GHR: variants seen among roughly 807,000 people sequenced by gnomAD.
GHR encodes GH receptor.
GHR carries 35 observed loss-of-function variants against 67.1 expected under a neutral mutation model. That is an observed-to-expected ratio of 0.52 (90% CI 0.40 to 0.69). The LOEUF (loss-of-function observed/expected upper bound fraction) is 0.69. Among genes scored for constraint, GHR ranks in the 30% least tolerant of loss-of-function variants. GHR has a pLI of 0.00. For synonymous variants in GHR, 272 were observed against 269.1 expected (o/e 1.01, Z -0.10); for missense variants, 792 against 764.6 (o/e 1.04, Z -0.42).
chr5:42,487,777 G>A (rs1373964630), intron 1 of GHR, among the ~76,000 whole-genome samples: 1 of 152,110 alleles, frequency 6.6e-6, no homozygotes, highest in Non-Finnish European at 1.5e-5. Flanking sequence ...CCTGTAGGTG[G>A]AATTGTATTT....
chr5:42,556,912 C>G (rs937455041), intron 1 of GHR, among the ~76,000 whole-genome samples: 2 of 152,214 alleles, frequency 1.3e-5, no homozygotes, highest in Non-Finnish European at 2.9e-5. Flanking sequence ...TTCTTTCACT[C>G]CTCCATAAAG....
rs1353732795 is a variant in GHR at position 42,467,140 on chromosome 5, A to G, written c.-12+43185A>G. 4.4e-6 allele frequency: 7 copies of G among 1,600,270 alleles called. No homozygotes were observed. In the East Asian group the frequency reaches 8.9e-5, roughly 20 times the overall value. On this transcript the variant is annotated intron_variant, in intron 1 of 9. Transcript: ENST00000230882. Reference sequence around the variant, plus strand: ...CCCACATTCATTACACACAAAAGGAAGATCTCCACTGTGAATTCTCTGGTG... The same window carrying G: ...CCCACATTCATTACACACAAAAGGAGGATCTCCACTGTGAATTCTCTGGTG...
chr5:42,498,540 T>C (rs964025670), intron 1 of GHR, among the ~76,000 whole-genome samples: 57 of 152,312 alleles, frequency 3.7e-4, no homozygotes, highest in African/African-American at 1.3e-3. Context: ...AGCATTATAG[T>C]CTCATAAGCA....
At chr5:42,468,040 C>A in intron 1 of GHR, 1 of 840,162 alleles carries the variant, frequency 1.2e-6, no homozygotes, top group South Asian at 1.7e-5. Context: ...GATCAGCTTT[C>A]TGGATTCTTC....
chr5:42,448,788 T>C (rs1296400095), intron 1 of GHR, among the ~76,000 whole-genome samples: 1 of 152,104 alleles, frequency 6.6e-6, no homozygotes, highest in Non-Finnish European at 1.5e-5. Flanking sequence ...ACATCTTTGG[T>C]CCATCCTGAA....
At position 42,695,037 on chromosome 5, in the gene GHR, A is replaced by G. The variant is rs1347064609; in HGVS notation, c.387A>G (p.Leu129=). The G allele has an allele frequency of 1.2e-6, 2 of 1,610,424 alleles. No individual in the cohort carries two copies. The highest frequency in any genetic ancestry group is 1.7e-5 in the Admixed American group (1 of 59,998). ...TCTGGATACCTTATTGTATCAAGCT[A>G]ACTAGCAATGGTGGTACAGTGGATG... ...TSIWIPYCIK[L]TSNGGTVDEK... is the part of the protein sequence containing the mutation. Residue 129 remains leucine, a synonymous_variant, in exon 5 of 10, where the codon CTA becomes CTG. Transcript: ENST00000230882.
chr5:42,439,134 C>G (rs903897725), intron 1 of GHR, among the ~76,000 whole-genome samples: 48 of 152,216 alleles, frequency 3.2e-4, no homozygotes, highest in African/African-American at 1.1e-3. Context: ...AATGACATCT[C>G]TAGGATTGAG....
At chr5:42,686,896 T>C (rs1757180884) in intron 3 of GHR, among the ~76,000 whole-genome samples, 1 of 152,232 alleles carries the variant, frequency 6.6e-6, no homozygotes, top group African/African-American at 2.4e-5. Flanking sequence ...TTGTCTCTGT[T>C]TGCAGATGAC....
chr5:42,566,307 C>T (rs1180710673), intron 2 of GHR, among the ~76,000 whole-genome samples: 1 of 152,174 alleles, frequency 6.6e-6, no homozygotes, highest in Non-Finnish European at 1.5e-5. Context: ...TCATCTGTGA[C>T]TAAGGATATC....
intron 3 of GHR, among the ~76,000 whole-genome samples, chr5:42,680,553 G>C (rs916670220): frequency 6.6e-6 from 1 of 151,626 alleles, no homozygotes; most frequent in African/African-American, 2.4e-5. Context: ...ACCCAGGCTG[G>C]GGTGCAGTGA....
chr5:42,682,817 A>C (rs1377686333), intron 3 of GHR, among the ~76,000 whole-genome samples: 1 of 152,162 alleles, frequency 6.6e-6, no homozygotes, highest in Admixed American at 6.5e-5. Flanking sequence ...AAGTTAATAT[A>C]CCTCTCACAC....
chr5:42,710,601 T>C (rs1197637913), intron 6 of GHR, among the ~76,000 whole-genome samples: 1 of 152,100 alleles, frequency 6.6e-6, no homozygotes, highest in African/African-American at 2.4e-5. Context: ...AGATTTTAAA[T>C]AGCAAACTAT....
chr5:42,438,150 G>T (rs947806946), intron 1 of GHR, among the ~76,000 whole-genome samples: 1 of 152,178 alleles, frequency 6.6e-6, no homozygotes, highest in South Asian at 2.1e-4. Context: ...TGCTTACTAT[G>T]ATCAAGGGCT....
chr5:42,616,964 A>G (rs1313229608), intron 2 of GHR, among the ~76,000 whole-genome samples: 2 of 152,114 alleles, frequency 1.3e-5, no homozygotes, highest in Non-Finnish European at 2.9e-5. Context: ...AAGGATTAGA[A>G]GTAAAACCAA....
chr5:42,520,337 C>T (rs748727249), intron 1 of GHR, among the ~76,000 whole-genome samples: 22 of 152,082 alleles, frequency 1.4e-4, no homozygotes, highest in Non-Finnish European at 2.5e-4. Flanking sequence ...CACAAGATAC[C>T]TTGTGATCTT....
Position 42,719,047 on chromosome 5 carries a change from T to G in GHR, c.1540T>G (p.Cys514Gly). Reference sequence around the variant, plus strand: ...AAAGAATAAGGCAGGGATGTCCCAATGTGACATGCACCCGGAAATGGTCTC... The same window carrying G: ...AAAGAATAAGGCAGGGATGTCCCAAGGTGACATGCACCCGGAAATGGTCTC... ...GQKNKAGMSQ[C>G]DMHPEMVSLC... The change falls in exon 10 of 10, where the codon TGT (cysteine) becomes GGT (glycine). Residue 514 changes from cysteine (C) to glycine (G), a missense_variant. Cys to Gly is a radical substitution (Grantham distance 159). Transcript: ENST00000230882. The G allele has an allele frequency of 6.2e-7, 1 of 1,609,562 alleles. No individual in the cohort carries two copies. Among genetic ancestry groups the G allele is most frequent in the Non-Finnish European group, 8.5e-7 (1 of 1,176,722 alleles).
At chr5:42,682,588 G>A (rs892219468) in intron 3 of GHR, among the ~76,000 whole-genome samples, 1 of 152,234 alleles carries the variant, frequency 6.6e-6, no homozygotes, top group Non-Finnish European at 1.5e-5. Context: ...GCGGCACAAT[G>A]GTACTAGATG....
intron 5 of GHR, among the ~76,000 whole-genome samples, chr5:42,696,355 C>A (rs762753958): frequency 6.6e-6 from 1 of 152,136 alleles, no homozygotes; most frequent in Non-Finnish European, 1.5e-5. Context: ...AAGGTGGTGG[C>A]CAAAGGCGTG....
intron 1 of GHR, among the ~76,000 whole-genome samples, chr5:42,478,355 T>G (rs1194444045): frequency 2.6e-5 from 4 of 152,244 alleles, no homozygotes; most frequent in Non-Finnish European, 5.9e-5. Flanking sequence ...TAGGATTGAC[T>G]TAGCGATGCA....
Sources: gnomAD v4.1 joint callset for allele counts (sites outside exome capture counted in the v4.1 genomes callset) on GRCh38, gnomAD v4.1.1 for gene constraint, MANE v1.5 for transcripts, NCBI Gene and HGNC (gene_info 2026-07-23, HGNC 2026-07-21) for gene names.